The following RASA2 variants were observed in gnomAD, a reference collection of about 807,000 sequenced individuals.
RASA2 encodes the protein ras GTPase-activating protein 2.
RASA2 carries 155 observed loss-of-function variants against 118.2 expected under a neutral mutation model. The observed-to-expected ratio is 1.31, with a 90% CI of 1.15 to 1.50. The LOEUF (loss-of-function observed/expected upper bound fraction) is 1.50, where lower values mean the gene tolerates loss of function less well. RASA2 is among the 40% of genes most tolerant of loss of function. RASA2 has a pLI of 0.00. For missense variants in RASA2, 1,016 were observed against 1,009.6 expected (o/e 1.01, Z -0.09); for synonymous variants, 353 against 349.1 (o/e 1.01, Z -0.12).
chr3:141,594,353 CAA>C (rs200206211), intron 19 of RASA2, among the ~76,000 whole-genome samples: 1 of 136,148 alleles, frequency 7.3e-6, no homozygotes, highest in African/African-American at 2.8e-5. Flanking sequence ...AAGAATTGGA[CAA>C]AAAAAAAAAT....
At chr3:141,540,483 T>C (rs774063547) in intron 4 of RASA2, 50 bp from the exon 5 acceptor site, 1 of 1,456,430 alleles carries the variant, frequency 6.9e-7, no homozygotes, top group Admixed American at 1.7e-5. Flanking sequence ...ACCTTTAATA[T>C]TTTGTCAGTA....
chr3:141,489,753 A>G (rs935548387), intron 1 of RASA2, among the ~76,000 whole-genome samples: 5 of 152,218 alleles, frequency 3.3e-5, no homozygotes, highest in Admixed American at 3.3e-4. Context: ...ATAATAGTCC[A>G]TAACCTTCTT....
At chr3:141,502,700 TGTATTAATTTATTCAGTAAGTG>T (rs1239343877) in intron 1 of RASA2, among the ~76,000 whole-genome samples, 1 of 152,180 alleles carries the variant, frequency 6.6e-6, no homozygotes, top group Non-Finnish European at 1.5e-5. Flanking sequence ...GTGTAATACA[TGTATTAATTTATTCAGTAAGTG>T]GTAGCTATTA....
chr3:141,561,035 C>T (rs1230746220), intron 9 of RASA2, among the ~76,000 whole-genome samples: 1 of 152,024 alleles, frequency 6.6e-6, no homozygotes, highest in Non-Finnish European at 1.5e-5. Flanking sequence ...ATTTATTGGT[C>T]TTTATGTTGG....
intron 1 of RASA2, among the ~76,000 whole-genome samples, chr3:141,489,391 G>A (rs978341987): frequency 1.3e-5 from 2 of 152,160 alleles, no homozygotes; most frequent in Non-Finnish European, 2.9e-5. Flanking sequence ...TGTAGGGTGG[G>A]GACTGAGGGG....
intron 1 of RASA2, among the ~76,000 whole-genome samples, chr3:141,496,798 A>G (rs1446232333): frequency 1.3e-5 from 2 of 152,196 alleles, no homozygotes; most frequent in African/African-American, 2.4e-5. Context: ...CATTTGACCC[A>G]GCCATCCCAT....
At chr3:141,534,398 C>G (rs1446518795) in intron 4 of RASA2, among the ~76,000 whole-genome samples, 1 of 152,042 alleles carries the variant, frequency 6.6e-6, no homozygotes. Flanking sequence ...GTGATTAAAC[C>G]AAATCTCCCA....
rs1351874024 is a variant in RASA2, at chr3:141,540,538, A to G, written c.456A>G (p.Lys152=). The change falls in exon 5 of 24, where the codon AAA becomes AAG. Residue 152 remains lysine (K), a synonymous_variant. Coordinates refer to ENST00000286364, the MANE Select transcript of RASA2 (RefSeq NM_006506.5). ...TAATCTTTTTGTCATTATAGGGTAAAGTTCACCTTGAATTAAAACTGAATG... is the reference window on the plus strand; with the variant it reads ...TAATCTTTTTGTCATTATAGGGTAAGGTTCACCTTGAATTAAAACTGAATG... The part of the protein sequence containing the change: ...PVDSNSEVQG[K]VHLELKLNEL... The G allele has an allele frequency of 6.2e-7, 1 of 1,610,566 alleles. No homozygotes were observed.
chr3:141,605,716 AT>A (rs2083537228), intron 19 of RASA2, among the ~76,000 whole-genome samples: 1 of 150,258 alleles, frequency 6.7e-6, no homozygotes, highest in African/African-American at 2.5e-5. Context: ...TGTTGCACAT[AT>A]GTCTCTTCTT....
In RASA2 at chr3:141,609,365, CATGTTAACA is replaced by C. The variant is rs1333732065; in HGVS notation, c.2226-53_2226-45del. The stretch of plus-strand genomic sequence containing the variant: ...GTCTCAAACCATCAGAAGTCCTTGG[CATGTTAACA>C]AAATAAAATTTGTATAATATCTTTA... On this transcript the variant is annotated intron_variant, in intron 21 of 23. Coordinates refer to ENST00000286364, the MANE Select transcript of RASA2 (RefSeq NM_006506.5). 2.7e-6 allele frequency: 3 copies of C among 1,109,566 alleles called. No individual in the cohort carries two copies. In the African/African-American group the frequency reaches 4.9e-5, roughly 18 times the overall value. The allele number at this position is 1,109,566 out of a possible 1,614,324, so 68.7% of individuals were successfully genotyped here.
chr3:141,515,739 A>C (rs1271952966), intron 2 of RASA2, among the ~76,000 whole-genome samples: 1 of 151,586 alleles, frequency 6.6e-6, no homozygotes, highest in African/African-American at 2.4e-5. Flanking sequence ...ATCTCTACTA[A>C]AAATACAAAA....
intron 5 of RASA2, among the ~76,000 whole-genome samples, chr3:141,550,293 C>G (rs1036209218): frequency 3.9e-5 from 6 of 152,172 alleles, no homozygotes; most frequent in Non-Finnish European, 7.4e-5. Context: ...CACCAAGATA[C>G]ATAACCTCAA....
intron 5 of RASA2, 33 bp from the exon 6 acceptor site, chr3:141,553,821 AATC>A (rs1449700318): frequency 1.3e-6 from 2 of 1,581,884 alleles, no homozygotes; most frequent in Non-Finnish European, 1.7e-6. Flanking sequence ...GTTTAACTGG[AATC>A]TAATATGTTA....
At chr3:141,600,206 A>G in intron 19 of RASA2, 1 of 418,224 alleles carries the variant, frequency 2.4e-6, no homozygotes, top group Non-Finnish European at 4.8e-6. Context: ...CAAGTGGAAT[A>G]AGGAATGGAG....
intron 4 of RASA2, among the ~76,000 whole-genome samples, chr3:141,535,361 A>ATTTT (rs1168455538): frequency 6.6e-6 from 1 of 152,134 alleles, no homozygotes; most frequent in African/African-American, 2.4e-5. Flanking sequence ...CTGTAAAAAC[A>ATTTT]TTTTTTACCA....
chr3:141,514,036 G>A (rs574187849), intron 2 of RASA2, among the ~76,000 whole-genome samples: 61 of 152,238 alleles, frequency 4.0e-4, no homozygotes, highest in African/African-American at 1.4e-3. Flanking sequence ...AATGCAAGAA[G>A]CACCACTAAT....
At chr3:141,487,324 CCCGGGAGGGGGCCTGGG>C in intron 1 of RASA2, 108 bp downstream of exon 1, 2 of 1,166,110 alleles carry the variant, frequency 1.7e-6, no homozygotes, top group Non-Finnish European at 2.1e-6. Flanking sequence ...GGATCGCGGG[CCCGGGAGGGGGCCTGGG>C]CCGGGCGCGG....
chr3:141,595,728 A>G (rs780876755), intron 19 of RASA2, among the ~76,000 whole-genome samples: 99 of 151,758 alleles, frequency 6.5e-4, no homozygotes, highest in Non-Finnish European at 1.0e-3. Context: ...TCCTGGGCTC[A>G]AGAGATCCTC....
rs2151064493 is a variant in RASA2 at position 141,488,978 on chromosome 3, C to G, written c.133+1762C>G. On this transcript the variant is annotated intron_variant, in intron 1 of 23. Transcript: ENST00000286364. ...TTAGTTGTCCTGTGCTTTTGTCTGC[C>G]CCATGCCAAAGACCACTAAGAACAG... is the stretch of plus-strand genomic sequence containing the variant. Among the ~76,000 whole-genome samples the G allele has an allele frequency of 1.3e-5, 2 of 152,192 alleles. 1 individual carries two copies. Among genetic ancestry groups the G allele is most frequent in the South Asian group, 4.2e-4 (2 of 4,808 alleles).
Sources: gnomAD v4.1 joint callset for allele counts (sites outside exome capture counted in the v4.1 genomes callset) on GRCh38, gnomAD v4.1.1 for gene constraint, MANE v1.5 for transcripts, NCBI Gene and HGNC (gene_info 2026-07-23, HGNC 2026-07-21) for gene names.